The following ZNF766 variants were observed in gnomAD, a reference collection of about 807,000 sequenced individuals.
ZNF766 encodes zinc finger protein 766.
ZNF766 carries 13 observed loss-of-function variants against 13.2 expected under a neutral mutation model. That is an observed-to-expected ratio of 0.98 (90% CI 0.64 to 1.56). ZNF766 has a LOEUF of 1.56. Among genes scored for constraint, ZNF766 ranks in the 40% most tolerant of loss-of-function variants. The pLI, the probability that ZNF766 is intolerant of heterozygous loss-of-function variation, is 0.00. For missense variants in ZNF766, 521 were observed against 552.2 expected (o/e 0.94, Z 0.57); for synonymous variants, 178 against 187.6 (o/e 0.95, Z 0.42).
Position 52,290,207 on chromosome 19 carries a change from T to C in ZNF766, c.416T>C (p.Phe139Ser). ...KIYECNQVQKFISHSSSVSPL... is the reference protein window; with the variant it reads ...KIYECNQVQKSISHSSSVSPL... ...TATGAATGTAATCAAGTTCAAAAGT[T>C]CATCAGCCACAGTTCTTCAGTTTCG... The change falls in exon 4 of 4, where the codon TTC becomes TCC. Residue 139 changes from phenylalanine (F) to serine (S), a missense_variant. Coordinates refer to ENST00000439461, the MANE Select transcript of ZNF766 (RefSeq NM_001010851.3). 6.2e-7 allele frequency: 1 copy of C among 1,614,022 alleles called. No individual in the cohort carries two copies. The highest frequency in any genetic ancestry group is 8.5e-7 in the Non-Finnish European group (1 of 1,179,900).
chr19:52,287,100 G>T (rs1378834217), intron 3 of ZNF766, among the ~76,000 whole-genome samples: 1 of 152,056 alleles, frequency 6.6e-6, no homozygotes, highest in African/African-American at 2.4e-5. Flanking sequence ...CTCCCAAAGT[G>T]CTGGGATTAC....
At chr19:52,278,312 T>C (rs572294635) in intron 1 of ZNF766, among the ~76,000 whole-genome samples, 2 of 152,344 alleles carry the variant, frequency 1.3e-5, no homozygotes, top group African/African-American at 4.8e-5. Context: ...ATTTCTCTAA[T>C]GATCAGTGAT....
In ZNF766 at chr19:52,294,760, G is replaced by C. The variant is rs1362762985; in HGVS notation, c.*3562G>C. The C allele has an allele frequency of 6.6e-6, 1 of 151,848 alleles. No homozygotes were observed. Among genetic ancestry groups the C allele is most frequent in the African/African-American group, 2.4e-5 (1 of 41,322 alleles). The allele number at this position is 151,848 out of a possible 1,614,324, so 9.4% of individuals were successfully genotyped here. ...TTCCTCTGGAAGCTCCTGCCATCTT[G>C]GTTAGGAAAGACTCTGATTTTCTTC... On this transcript the variant is annotated 3_prime_UTR_variant, in exon 4 of 4. Coordinates refer to ENST00000439461, the MANE Select transcript of ZNF766 (RefSeq NM_001010851.3).
Position 52,294,830 on chromosome 19 carries a change from C to T in ZNF766, c.*3632C>T, listed in dbSNP as rs182322993. On this transcript the variant is annotated 3_prime_UTR_variant, in exon 4 of 4. Transcript: ENST00000439461. ...CTTTTATAGTTACAGATACAGGTCT[C>T]ATTGCACAATATGATTGTTGAAAAC... 9 of 152,202 alleles carry T rather than the reference C, an allele frequency of 5.9e-5. No individual in the cohort carries two copies. Among genetic ancestry groups the T allele is most frequent in the African/African-American group, 1.9e-4 (8 of 41,522 alleles). 9.4% of individuals were successfully genotyped at this position (152,202 alleles called of 1,614,324 possible). A position where few individuals can be genotyped will look rare whatever the true frequency, so the allele number is the denominator to read the frequency against.
intron 1 of ZNF766, among the ~76,000 whole-genome samples, chr19:52,281,599 G>A (rs1277753492): frequency 6.6e-6 from 1 of 152,200 alleles, no homozygotes; most frequent in Non-Finnish European, 1.5e-5. Context: ...GAGGATACAT[G>A]TGTATGCATA....
intron 1 of ZNF766, among the ~76,000 whole-genome samples, chr19:52,269,994 G>C (rs1371321022): frequency 2.0e-5 from 3 of 152,328 alleles, no homozygotes; most frequent in African/African-American, 7.2e-5. Flanking sequence ...CGCCATTCGG[G>C]AGGGGCCGCG....
intron 1 of ZNF766, among the ~76,000 whole-genome samples, chr19:52,278,109 A>T (rs1169443289): frequency 6.6e-6 from 1 of 151,380 alleles, no homozygotes; most frequent in Admixed American, 6.6e-5. Context: ...AGTAGCTGGG[A>T]CCACAAATGT....
intron 3 of ZNF766, among the ~76,000 whole-genome samples, chr19:52,287,238 G>C (rs1400558341): frequency 6.6e-6 from 1 of 152,006 alleles, no homozygotes; most frequent in African/African-American, 2.4e-5. Flanking sequence ...CGCCTCCCGG[G>C]TTCAAGCGGT....
At chr19:52,276,524 G>T (rs1981210338) in intron 1 of ZNF766, among the ~76,000 whole-genome samples, 1 of 151,992 alleles carries the variant, frequency 6.6e-6, no homozygotes, top group African/African-American at 2.4e-5. Flanking sequence ...GTTTTTAATA[G>T]TAGTCTTTTT....
At chr19:52,276,819 C>A (rs1981225241) in intron 1 of ZNF766, among the ~76,000 whole-genome samples, 1 of 152,214 alleles carries the variant, frequency 6.6e-6, no homozygotes, top group South Asian at 2.1e-4. Flanking sequence ...CTGAGTTCAG[C>A]CTCTGATTCA....
At chr19:52,273,847 A>C (rs936247883) in intron 1 of ZNF766, among the ~76,000 whole-genome samples, 2 of 152,078 alleles carry the variant, frequency 1.3e-5, no homozygotes, top group Non-Finnish European at 2.9e-5. Flanking sequence ...AGTGGAGCTC[A>C]CCCCTGTTTT....
intron 1 of ZNF766, among the ~76,000 whole-genome samples, chr19:52,277,972 C>CTT (rs375658066): frequency 0.13 from 17,438 of 135,600 alleles, 1,270 homozygotes; most frequent in Middle Eastern, 0.19. Context: ...TCTTTTCTGC[C>CTT]TTTTTTTTTT....
chr19:52,291,274 G>A lies in ZNF766; in HGVS notation c.*76G>A. 4.3e-6 allele frequency: 6 copies of A among 1,394,762 alleles called. No individual in the cohort carries two copies. The highest frequency in any genetic ancestry group is 2.3e-5 in the Admixed American group (1 of 42,950). 86.4% of individuals were successfully genotyped at this position (1,394,762 alleles called of 1,614,324 possible). A position where few individuals can be genotyped will look rare whatever the true frequency, so the allele number is the denominator to read the frequency against. On this transcript the variant is annotated 3_prime_UTR_variant, in exon 4 of 4. Transcript: ENST00000439461. ...TATACTAGAAAGAAATCATTTAAAT[G>A]TACTATATGTGGCACAGGCTGTATC...
At chr19:52,271,532 A>G (rs1980974237) in intron 1 of ZNF766, among the ~76,000 whole-genome samples, 1 of 152,158 alleles carries the variant, frequency 6.6e-6, no homozygotes, top group Non-Finnish European at 1.5e-5. Flanking sequence ...TGACCCTGCG[A>G]TTGTGCACCA....
chr19:52,272,204 C>T (rs1420356366), intron 1 of ZNF766, among the ~76,000 whole-genome samples: 1 of 152,124 alleles, frequency 6.6e-6, no homozygotes, highest in East Asian at 1.9e-4. Flanking sequence ...CTTTCACCTC[C>T]ACCATTCCTT....
At chr19:52,282,433 C>G in intron 2 of ZNF766, 196 bp downstream of exon 2, 1 of 442,580 alleles carries the variant, frequency 2.3e-6, no homozygotes, top group South Asian at 2.6e-5. Context: ...GTCAGGAGTT[C>G]GAGACCAACC....
At chr19:52,281,916 C>T (rs771112925) in intron 1 of ZNF766, 195 bp from the exon 2 acceptor site, 3 of 664,942 alleles carry the variant, frequency 4.5e-6, no homozygotes, top group Non-Finnish European at 7.9e-6. Flanking sequence ...TAAAGAATAT[C>T]ATAACTTTTT....
Position 52,291,024 on chromosome 19 carries a change from C to G in ZNF766, c.1233C>G (p.Tyr411Ter). The change falls in exon 4 of 4, where the codon TAC becomes TAG. Residue 411 changes from tyrosine to a stop codon, truncating the protein, a stop_gained. Transcript: ENST00000439461. LOFTEE classifies it low-confidence loss of function (END_TRUNC). ...HQKIHTGEKP[Y>*]KCNECGKVFT... ...AAATTCACACTGGAGAGAAACCTTACAAATGTAATGAGTGTGGCAAAGTCT... is the reference window on the plus strand; with the variant it reads ...AAATTCACACTGGAGAGAAACCTTAGAAATGTAATGAGTGTGGCAAAGTCT... 6.2e-7 allele frequency: 1 copy of G among 1,614,092 alleles called. No individual in the cohort carries two copies.
rs907239689 is a variant in ZNF766 at position 52,269,700 on chromosome 19, G to C, written c.18+69G>C. ...CCTCACGCTTCTGTACCCGGGATGT[G>C]GGGGGCGGTACAGACCTTGAAATCC... On this transcript the variant is annotated intron_variant, in intron 1 of 3. Coordinates refer to ENST00000439461, the MANE Select transcript of ZNF766 (RefSeq NM_001010851.3). The C allele has an allele frequency of 7.7e-5, 122 of 1,589,888 alleles. 1 individual carries two copies. Among genetic ancestry groups the C allele is most frequent in the East Asian group, 3.8e-4 (17 of 44,372 alleles).
Sources: allele counts gnomAD v4.1 joint callset (sites outside exome capture counted in the v4.1 genomes callset), GRCh38; gene constraint gnomAD v4.1.1; transcripts MANE v1.5; gene names NCBI Gene and HGNC (gene_info 2026-07-23, HGNC 2026-07-21).